COMTD1: variants seen among roughly 807,000 people sequenced by gnomAD.
COMTD1 encodes the protein catechol O-methyltransferase domain-containing protein 1.
Under a neutral mutation model 33.6 loss-of-function variants are expected in COMTD1, and 35 were observed. The ratio of observed to expected loss-of-function variants is 1.04; its 90% CI spans 0.80 to 1.38. The LOEUF (loss-of-function observed/expected upper bound fraction) is 1.38, where lower values mean the gene tolerates loss of function less well. Among genes scored for constraint, COMTD1 ranks in the 40% most tolerant of loss-of-function variants. The probability of loss-of-function intolerance (pLI) is 0.00; values close to 1 mark genes in which losing one functional copy is unlikely to be tolerated. For synonymous variants in COMTD1, 160 were observed against 176.8 expected (o/e 0.91, Z 0.75); for missense variants, 370 against 363.4 (o/e 1.02, Z -0.15).
At chr10:75,235,223 C>T in intron 3 of COMTD1, 44 bp downstream of exon 3, 1 of 1,469,892 alleles carries the variant, frequency 6.8e-7, no homozygotes, top group Non-Finnish European at 9.0e-7. Context: ...TGGGGGTCGG[C>T]CCGGAAACCT....
At position 75,234,122 on chromosome 10, in the gene COMTD1, A is replaced by G. The variant is rs1313596341; in HGVS notation, c.740T>C (p.Ile247Thr). Residue 247 changes from isoleucine to threonine, a missense_variant, in exon 7 of 7, where the codon ATC becomes ACC. Physicochemically the swap from Ile to Thr is moderately conservative, Grantham distance 89 (BLOSUM62 -1). Transcript: ENST00000372538. ...TCCATCGCCCAGGGGCAGGAGGCTG[A>G]TGTAGACCCTGACGTCCCGCCGGAT... is the stretch of plus-strand genomic sequence containing the variant. The part of the protein sequence containing the change: ...ERIRRDVRVY[I>T]SLLPLGDGLT... 1.2e-6 allele frequency: 2 copies of G among 1,613,690 alleles called. No individual in the cohort carries two copies. The highest frequency in any genetic ancestry group is 1.7e-6 in the Non-Finnish European group (2 of 1,180,010).
chr10:75,235,018 G>A (rs891888768), intron 4 of COMTD1, 26 bp from the exon 5 acceptor site: 1 of 1,492,984 alleles, frequency 6.7e-7, no homozygotes, highest in Non-Finnish European at 8.9e-7. Flanking sequence ...GTCAGCCGTT[G>A]CGCCCCCGCC....
chr10:75,234,303 G>C (rs1842153918), intron 6 of COMTD1, 78 bp from the exon 7 acceptor site: 1 of 1,453,656 alleles, frequency 6.9e-7, no homozygotes, highest in Non-Finnish European at 9.3e-7. Context: ...GCGGGGGACT[G>C]GGAGGGAGGT....
In COMTD1 at chr10:75,235,355, C is replaced by G; in HGVS notation, c.240G>C (p.Pro80=). 6.3e-7 allele frequency: 1 copy of G among 1,579,800 alleles called. No individual in the cohort carries two copies. The highest frequency in any genetic ancestry group is 2.3e-5 in the East Asian group (1 of 42,936). The change falls in exon 3 of 7, where the codon CCG becomes CCC. Residue 80 remains proline, a synonymous_variant. Coordinates refer to ENST00000372538, the MANE Select transcript of COMTD1 (RefSeq NM_144589.4). ...CGCAGGTCATCATAGAATCCCCCTG[C>G]GGCTGCTCCAGGGTCAGCTGCGTGA... The part of the protein sequence containing the change: ...RSLRLLTLEQ[P]QGDSMMTCEQ...
Position 75,235,255 on chromosome 10 carries a change from G to A in COMTD1, c.328+12C>T, listed in dbSNP as rs1425949922. On this transcript the variant is annotated intron_variant, in intron 3 of 6. Transcript: ENST00000372538. ...ACCTCGGCCCTCCGGGATCCCGGCC[G>A]CGTGCCCCTACCCAGGTCCAGCGCC... 4 of 1,514,776 alleles carry A rather than the reference G, an allele frequency of 2.6e-6. No individual in the cohort carries two copies. Among genetic ancestry groups the A allele is most frequent in the Non-Finnish European group, 1.8e-6 (2 of 1,133,526 alleles). The allele number at this position is 1,514,776 out of a possible 1,614,324, so 93.8% of individuals were successfully genotyped here. A position where few individuals can be genotyped will look rare whatever the true frequency, so the allele number is the denominator to read the frequency against.
At chr10:75,235,797 G>GGGGGCCCCC in intron 1 of COMTD1, 38 bp downstream of exon 1, 5 of 1,538,612 alleles carry the variant, frequency 3.2e-6, no homozygotes, top group Non-Finnish European at 4.4e-6. Context: ...CCTACTCTGC[G>GGGGGCCCCC]CCCGCCCACC....
At chr10:75,235,013 C>A (rs751555852) in intron 4 of COMTD1, 21 bp from the exon 5 acceptor site, 1 of 1,494,480 alleles carries the variant, frequency 6.7e-7, no homozygotes, top group East Asian at 2.7e-5. Flanking sequence ...AGCGGGTCAG[C>A]CGTTGCGCCC....
intron 2 of COMTD1, 28 bp downstream of exon 2, chr10:75,235,588 G>A (rs763739066): frequency 3.8e-6 from 6 of 1,561,292 alleles, no homozygotes; most frequent in Admixed American, 1.8e-5. Flanking sequence ...CGAGAGGGAC[G>A]CCCGTTTCCG....
chr10:75,234,559 G>C (rs1378499724), intron 6 of COMTD1, 51 bp downstream of exon 6: 1 of 1,516,706 alleles, frequency 6.6e-7, no homozygotes, highest in Non-Finnish European at 8.9e-7. Context: ...GGAAAAGATG[G>C]GGACCCGGCC....
At chr10:75,235,400 C>T (rs1393679471) in intron 2 of COMTD1, 28 bp from the exon 3 acceptor site, 2 of 1,483,242 alleles carry the variant, frequency 1.3e-6, no homozygotes, top group Non-Finnish European at 9.1e-7. Flanking sequence ...GTGGCACCAG[C>T]CATGCAGGTC....
chr10:75,234,452 A>G, intron 6 of COMTD1, 158 bp downstream of exon 6: 1 of 1,230,758 alleles, frequency 8.1e-7, no homozygotes, highest in South Asian at 1.6e-5. Context: ...ACAGAACCAA[A>G]GCGGAGGAAA....
rs940661307 is a variant in COMTD1, at chr10:75,234,082, G to A, written c.780C>T (p.Phe260=). 4 of 1,614,048 alleles carry A rather than the reference G, an allele frequency of 2.5e-6. No individual in the cohort carries two copies. Among genetic ancestry groups the A allele is most frequent in the Non-Finnish European group, 3.4e-6 (4 of 1,180,044 alleles). Residue 260 remains phenylalanine (F), a synonymous_variant, in exon 7 of 7, where the codon TTC becomes TTT. Coordinates refer to ENST00000372538, the MANE Select transcript of COMTD1 (RefSeq NM_144589.4). ...TCACTAGGGGCCAGCCCTAGATCTT[G>A]AAGGCCAAGGTGAGTCCATCGCCCA... The part of the protein sequence containing the change: ...LPLGDGLTLA[F]KI
At chr10:75,234,470 T>C in intron 6 of COMTD1, 140 bp downstream of exon 6, 4 of 1,300,078 alleles carry the variant, frequency 3.1e-6, no homozygotes, top group Non-Finnish European at 4.2e-6. Context: ...AAAGCCTGGG[T>C]ACCGGGGCCG....
At chr10:75,234,810 G>A in intron 5 of COMTD1, 67 bp from the exon 6 acceptor site, 2 of 1,529,356 alleles carry the variant, frequency 1.3e-6, no homozygotes, top group South Asian at 1.2e-5. Context: ...GCCCCTCCCA[G>A]GCCGGCCCGG....
chr10:75,235,914 C>T lies in COMTD1; in HGVS notation c.15G>A (p.Val5=), dbSNP rs1410817729. 26 of 1,472,746 alleles carry T rather than the reference C, an allele frequency of 1.8e-5. No homozygotes were observed. Among genetic ancestry groups the T allele is most frequent in the Non-Finnish European group, 2.0e-5 (22 of 1,121,032 alleles). 91.2% of individuals were successfully genotyped at this position (1,472,746 alleles called of 1,614,324 possible). A position where few individuals can be genotyped will look rare whatever the true frequency, so the allele number is the denominator to read the frequency against. Residue 5 remains valine (V), a synonymous_variant, in exon 1 of 7, where the codon GTG becomes GTA. Transcript: ENST00000372538. ...GCGCGGCGGGCACGGAGAGCCGGGG[C>T]ACCGGCTGGGTCATGGCGCGGGCAG... The part of the protein sequence containing the change: MTQP[V]PRLSVPAALA...
chr10:75,235,797 G>GGGGGGC, intron 1 of COMTD1, 38 bp downstream of exon 1: 24 of 1,538,336 alleles, frequency 1.6e-5, no homozygotes, highest in Non-Finnish European at 1.8e-5. Flanking sequence ...CCTACTCTGC[G>GGGGGGC]CCCGCCCACC....
intron 2 of COMTD1, 68 bp downstream of exon 2, chr10:75,235,548 G>A: frequency 5.4e-6 from 8 of 1,489,952 alleles, no homozygotes; most frequent in Non-Finnish European, 7.1e-6. Flanking sequence ...CCAGCCCAAG[G>A]TCACACAGCC....
chr10:75,233,818 C>A lies in COMTD1; in HGVS notation c.*255G>T, dbSNP rs1038149820. 9.2e-6 allele frequency: 8 copies of A among 865,996 alleles called. No individual in the cohort carries two copies. Among genetic ancestry groups the A allele is most frequent in the Non-Finnish European group, 1.3e-5 (8 of 594,792 alleles). The allele number at this position is 865,996 out of a possible 1,614,324, so 53.6% of individuals were successfully genotyped here. A position where few individuals can be genotyped will look rare whatever the true frequency, so the allele number is the denominator to read the frequency against. Reference sequence around the variant, plus strand: ...AGGCCAGTTAAAACTTTATAACCTGCCTCCTGCCAGCTGGAGGTTCCTGCA... The same window carrying A: ...AGGCCAGTTAAAACTTTATAACCTGACTCCTGCCAGCTGGAGGTTCCTGCA... On this transcript the variant is annotated 3_prime_UTR_variant, in exon 7 of 7. Transcript: ENST00000372538.
chr10:75,235,647 C>A lies in COMTD1; in HGVS notation c.191G>T (p.Arg64Leu). 1 of 1,595,638 alleles carries A rather than the reference C, an allele frequency of 6.3e-7. No individual in the cohort carries two copies. Among genetic ancestry groups the A allele is most frequent in the East Asian group, 2.3e-5 (1 of 44,000 alleles). ...CAGGCTTCGCAGCGCCGGGTGCTCC[C>A]GCATGGAGCGGCTCAGAAGATACTG... ...LWQYLLSRSM[R>L]EHPALRSLRL... The change falls in exon 2 of 7, where the codon CGG (arginine) becomes CTG (leucine). Residue 64 changes from arginine (R) to leucine (L), a missense_variant. Physicochemically the swap from Arg to Leu is moderately radical, Grantham distance 102. Transcript: ENST00000372538.
Sources: allele counts gnomAD v4.1 joint callset, GRCh38; gene constraint gnomAD v4.1.1; transcripts MANE v1.5; gene names NCBI Gene and HGNC (gene_info 2026-07-23, HGNC 2026-07-21).